Variants in NMNAT1 observed in about 807,000 individuals in gnomAD.
NMNAT1 encodes the protein nicotinamide nucleotide adenylyltransferase 1, also known as nicotinamide/nicotinic acid mononucleotide adenylyltransferase 1.
Under a neutral mutation model 16.7 loss-of-function variants are expected in NMNAT1, and 11 were observed. The ratio of observed to expected loss-of-function variants is 0.66; its 90% CI spans 0.41 to 1.09. NMNAT1 has a LOEUF of 1.09. NMNAT1 is among the 50% of genes least tolerant of loss of function. NMNAT1 has a pLI of 0.00. For missense variants in NMNAT1, 280 were observed against 332.3 expected (o/e 0.84, Z 1.22); for synonymous variants, 110 against 119.8 (o/e 0.92, Z 0.53).
chr1:9,943,365 G>C (rs1407242768), upstream of NMNAT1: 1 of 152,630 alleles, frequency 6.6e-6, no homozygotes, highest in Non-Finnish European at 1.5e-5. Flanking sequence ...GCACTGGCCT[G>C]GCGGACCGCG....
At chr1:9,977,317 C>G (rs1436056671) in intron 3 of NMNAT1, among the ~76,000 whole-genome samples, 2 of 151,866 alleles carry the variant, frequency 1.3e-5, no homozygotes, top group African/African-American at 4.8e-5. Context: ...TCTCAAACTC[C>G]TGGCCTCAAG....
At position 9,955,554 on chromosome 1, in the gene NMNAT1, G is replaced by A. The variant is rs1374022385; in HGVS notation, c.-57+12039G>A. 5.3e-5 allele frequency among the ~76,000 whole-genome samples: 8 copies of A among 152,124 alleles called. 1 individual carries two copies. Among genetic ancestry groups the A allele is most frequent in the East Asian group, 1.9e-4 (1 of 5,194 alleles). On this transcript the variant is annotated intron_variant, in intron 1 of 4. Coordinates refer to ENST00000377205, the MANE Select transcript of NMNAT1 (RefSeq NM_022787.4). Reference sequence around the variant, plus strand: ...TGGGAGGCAGAGGTTGCAGTGAGCCGAGATTGCACCATTGCCCTCCAGCCT... The same window carrying A: ...TGGGAGGCAGAGGTTGCAGTGAGCCAAGATTGCACCATTGCCCTCCAGCCT...
At chr1:9,942,926 T>C (rs540393210), upstream of NMNAT1, 233 of 354,640 alleles carry the variant, frequency 6.6e-4, 7 homozygotes, top group South Asian at 4.6e-3. Flanking sequence ...ACCGCAGCCT[T>C]TCTGAGTTTC....
At chr1:9,989,469 C>A (rs1462859225), downstream of NMNAT1, among the ~76,000 whole-genome samples, 1 of 151,634 alleles carries the variant, frequency 6.6e-6, no homozygotes, top group Non-Finnish European at 1.5e-5. Flanking sequence ...AAAAAAAAAC[C>A]AAGCTCAGCC....
chr1:9,967,244 A>T (rs188283525), intron 1 of NMNAT1: 17 of 152,676 alleles, frequency 1.1e-4, no homozygotes, highest in Admixed American at 5.2e-4. Context: ...CGCAAAAAAA[A>T]AATTATTTGA....
At chr1:9,954,238 T>C (rs1641194924) in intron 1 of NMNAT1, among the ~76,000 whole-genome samples, 1 of 151,102 alleles carries the variant, frequency 6.6e-6, no homozygotes, top group Non-Finnish European at 1.5e-5. Flanking sequence ...TTTTTGGAGA[T>C]AGGGCCTCCC....
intron 2 of NMNAT1, chr1:9,972,412 C>T (rs866713208): frequency 2.2e-5 from 7 of 324,774 alleles, no homozygotes; most frequent in South Asian, 1.8e-4. Flanking sequence ...AGTAGAATCG[C>T]TTGAACCCGG....
rs563512200 is a variant in NMNAT1 at position 9,952,583 on chromosome 1, G to C, written c.-57+9068G>C. ...GACAGAGTCTCACTCTGTCACCCAGGCTGGAGTGCAGTGGCACAATCTCAG... is the reference window on the plus strand; with the variant it reads ...GACAGAGTCTCACTCTGTCACCCAGCCTGGAGTGCAGTGGCACAATCTCAG... On this transcript the variant is annotated intron_variant, in intron 1 of 4. Coordinates refer to ENST00000377205, the MANE Select transcript of NMNAT1 (RefSeq NM_022787.4). 2.6e-5 allele frequency: 4 copies of C among 152,154 alleles called. No individual in the cohort carries two copies. The East Asian group carries it at 7.7e-4, about 29-fold the overall frequency. The allele number at this position is 152,154 out of a possible 1,614,324, so 9.4% of individuals were successfully genotyped here.
the NMNAT1 span, among the ~76,000 whole-genome samples, chr1:9,995,581 C>A: frequency 4.6e-5 from 7 of 152,178 alleles, no homozygotes; most frequent in East Asian, 1.4e-3. Context: ...GTAATCCCAG[C>A]TACTCAGGAG....
intron 2 of NMNAT1, among the ~76,000 whole-genome samples, chr1:9,973,750 C>T (rs1412101300): frequency 6.8e-6 from 1 of 147,012 alleles, no homozygotes; most frequent in African/African-American, 2.5e-5. Context: ...ATAGGCTGGG[C>T]GTGGTGGCAC....
At chr1:9,979,435 A>G (rs1352654607) in intron 3 of NMNAT1, among the ~76,000 whole-genome samples, 3 of 152,084 alleles carry the variant, frequency 2.0e-5, no homozygotes, top group Non-Finnish European at 2.9e-5. Context: ...ACTGTGCTCC[A>G]TCCTGGGCAA....
intron 1 of NMNAT1, among the ~76,000 whole-genome samples, chr1:9,956,447 A>G (rs1219212945): frequency 1.5e-5 from 2 of 134,152 alleles, no homozygotes; most frequent in African/African-American, 2.9e-5. Flanking sequence ...TTTGAGACAG[A>G]GTCTTGTTCT....
intron 1 of NMNAT1, among the ~76,000 whole-genome samples, chr1:9,961,376 C>T (rs550558624): frequency 7.2e-5 from 11 of 152,246 alleles, no homozygotes; most frequent in South Asian, 4.1e-4. Flanking sequence ...GGTTGTCTGA[C>T]GCCAGCTGTC....
intron 2 of NMNAT1, among the ~76,000 whole-genome samples, chr1:9,974,217 ATTTT>A (rs771816085): frequency 7.0e-6 from 1 of 142,660 alleles, no homozygotes; most frequent in African/African-American, 2.6e-5. Flanking sequence ...GTATACACAG[ATTTT>A]TTTTTTTTTT....
intron 1 of NMNAT1, among the ~76,000 whole-genome samples, chr1:9,962,843 G>A (rs900370610): frequency 1.3e-4 from 19 of 151,808 alleles, no homozygotes; most frequent in African/African-American, 4.1e-4. Context: ...CAACACACCC[G>A]GCTAATTTTT....
upstream of NMNAT1, chr1:9,943,357 A>ACTGGCCCGGGGCC (rs1553123412): frequency 6.5e-6 from 1 of 152,822 alleles, no homozygotes; most frequent in Non-Finnish European, 1.5e-5. Flanking sequence ...ACCTGAGGGC[A>ACTGGCCCGGGGCC]CTGGCCTGGC....
At chr1:9,988,647 T>C (rs1321961907), downstream of NMNAT1, among the ~76,000 whole-genome samples, 6 of 134,348 alleles carry the variant, frequency 4.5e-5, no homozygotes, top group African/African-American at 1.4e-4. Context: ...GAGGTTACAG[T>C]GAGCCAAGAT....
chr1:9,952,622 C>T (rs1375242765), intron 1 of NMNAT1, among the ~76,000 whole-genome samples: 1 of 152,104 alleles, frequency 6.6e-6, no homozygotes, highest in Non-Finnish European at 1.5e-5. Flanking sequence ...ACGGTGACCT[C>T]TGCCTCCTGG....
chr1:9,944,466 GAAC>G (rs1640918433), intron 1 of NMNAT1, among the ~76,000 whole-genome samples: 1 of 152,142 alleles, frequency 6.6e-6, no homozygotes, highest in African/African-American at 2.4e-5. Flanking sequence ...GTAGTCCACA[GAAC>G]AACATCAGTG....
Sources: allele counts gnomAD v4.1 joint callset (sites outside exome capture counted in the v4.1 genomes callset), GRCh38; gene constraint gnomAD v4.1.1; transcripts MANE v1.5; gene names NCBI Gene and HGNC (gene_info 2026-07-23, HGNC 2026-07-21).